Variants in FNBP1 observed in about 807,000 individuals in gnomAD.
FNBP1 encodes formin-binding protein 1.
In FNBP1, 26 loss-of-function variants were observed where a neutral mutation model predicts 90.6. The observed-to-expected ratio is 0.29, with a 90% CI of 0.21 to 0.40. FNBP1 has a LOEUF of 0.40. Ranked by LOEUF, FNBP1 falls within the 10% of genes least tolerant of loss-of-function variation. The probability of loss-of-function intolerance (pLI) is 1.00; values close to 1 mark genes in which losing one functional copy is unlikely to be tolerated. For synonymous variants in FNBP1, 260 were observed against 265.2 expected (o/e 0.98, Z 0.19); for missense variants, 635 against 768.0 (o/e 0.83, Z 2.05).
chr9:130,030,546 A>G (rs1263411810), intron 1 of FNBP1, among the ~76,000 whole-genome samples: 1 of 152,156 alleles, frequency 6.6e-6, no homozygotes, highest in Non-Finnish European at 1.5e-5. Context: ...AACAGACTCT[A>G]TTCTAACTGT....
intron 4 of FNBP1, among the ~76,000 whole-genome samples, chr9:129,964,243 G>C (rs1323272852): frequency 6.6e-6 from 1 of 152,154 alleles, no homozygotes; most frequent in Non-Finnish European, 1.5e-5. Context: ...AAGCACTAAA[G>C]AAGGAGGAAT....
rs1309259190 is a variant in FNBP1 at position 129,967,288 on chromosome 9, G to A, written c.346-8735C>T. Among the ~76,000 whole-genome samples the A allele has an allele frequency of 2.0e-5, 3 of 152,212 alleles. No individual in the cohort carries two copies. The East Asian group carries it at 5.8e-4, about 29-fold the overall frequency. The stretch of plus-strand genomic sequence containing the variant: ...CCCAGCACTATGGGAGGCAAAGGCA[G>A]GCAGATCAGCTGAGGACAGGACTCC... On this transcript the variant is annotated intron_variant, in intron 4 of 16. Coordinates refer to ENST00000446176, the MANE Select transcript of FNBP1 (RefSeq NM_015033.3).
intron 16 of FNBP1, chr9:129,895,146 TC>T: frequency 2.4e-6 from 1 of 424,226 alleles, no homozygotes; most frequent in Non-Finnish European, 3.4e-6. Context: ...AATCAAGTGG[TC>T]AATTCACCAA....
intron 1 of FNBP1, among the ~76,000 whole-genome samples, chr9:130,005,376 C>G (rs2055528028): frequency 7.3e-6 from 1 of 137,216 alleles, no homozygotes; most frequent in South Asian, 2.3e-4. Context: ...GAGTCTCGCT[C>G]TGTTGCACAG....
intron 1 of FNBP1, among the ~76,000 whole-genome samples, chr9:130,016,981 C>T (rs574771841): frequency 1.3e-5 from 2 of 152,138 alleles, no homozygotes; most frequent in South Asian, 4.1e-4. Context: ...CAGGGTGGCT[C>T]ATGTCTATAA....
chr9:130,027,203 CCATATT>C lies in FNBP1; in HGVS notation c.24+15743_24+15748del, dbSNP rs887032854. Among the ~76,000 whole-genome samples the C allele has an allele frequency of 2.6e-5, 4 of 152,020 alleles. No individual in the cohort carries two copies. The East Asian group carries it at 5.8e-4, about 22-fold the overall frequency. On this transcript the variant is annotated intron_variant, in intron 1 of 16. Coordinates refer to ENST00000446176, the MANE Select transcript of FNBP1 (RefSeq NM_015033.3). Reference sequence around the variant, plus strand: ...GATTTTATGAAAAATGACAGAATCACCATATTCAAAGTGTATGATCATGTGACAAGA... The same window carrying C: ...GATTTTATGAAAAATGACAGAATCACCAAAGTGTATGATCATGTGACAAGA...
intron 6 of FNBP1, among the ~76,000 whole-genome samples, chr9:129,941,586 C>T (rs1291824454): frequency 6.6e-6 from 1 of 152,088 alleles, no homozygotes; most frequent in Admixed American, 6.6e-5. Flanking sequence ...CTGCCTCAGC[C>T]TCCTGAGTAG....
chr9:129,930,233 G>C (rs1451562886), intron 6 of FNBP1, among the ~76,000 whole-genome samples: 1 of 151,698 alleles, frequency 6.6e-6, no homozygotes, highest in Non-Finnish European at 1.5e-5. Flanking sequence ...GCTAATTTTT[G>C]TATTTTTTTT....
intron 11 of FNBP1, among the ~76,000 whole-genome samples, chr9:129,914,418 T>G (rs924372192): frequency 3.3e-5 from 5 of 152,000 alleles, no homozygotes. Flanking sequence ...AATTTGTATT[T>G]CAAACAGAAA....
At chr9:130,001,030 T>C (rs567677090) in intron 1 of FNBP1, among the ~76,000 whole-genome samples, 2 of 152,280 alleles carry the variant, frequency 1.3e-5, no homozygotes, top group Admixed American at 1.3e-4. Flanking sequence ...AAAACTGAAA[T>C]TTTTTAAAAC....
intron 11 of FNBP1, among the ~76,000 whole-genome samples, chr9:129,911,200 C>T (rs191424638): frequency 3.9e-5 from 6 of 152,234 alleles, no homozygotes; most frequent in African/African-American, 1.2e-4. Context: ...AGAGCACTTT[C>T]GACCTCAGAA....
chr9:130,053,037 A>G, the FNBP1 span, among the ~76,000 whole-genome samples: 1 of 152,092 alleles, frequency 6.6e-6, no homozygotes, highest in East Asian at 2.0e-4. Context: ...AATCGCTTGA[A>G]CCCAGAAGGC....
chr9:129,979,308 G>GT lies in FNBP1; in HGVS notation c.197+9dup, dbSNP rs1277786472. 6.4e-7 allele frequency: 1 copy of GT among 1,563,140 alleles called. No individual in the cohort carries two copies. Among genetic ancestry groups the GT allele is most frequent in the South Asian group, 1.1e-5 (1 of 89,510 alleles). On this transcript the variant is annotated intron_variant, in intron 3 of 16. Transcript: ENST00000446176. ...GTCTATTACAAGACAATTTTCAATGGTAAACATACTTGTATTCTTCTTCCT... is the reference window on the plus strand; with the variant it reads ...GTCTATTACAAGACAATTTTCAATGGTTAAACATACTTGTATTCTTCTTCCT...
intron 1 of FNBP1, among the ~76,000 whole-genome samples, chr9:130,010,160 T>C (rs1412888211): frequency 6.6e-6 from 1 of 152,186 alleles, no homozygotes; most frequent in Admixed American, 6.5e-5. Context: ...CTTGTGAGAC[T>C]GGCCTGTTCA....
At chr9:129,981,475 T>A (rs934638293) in intron 2 of FNBP1, among the ~76,000 whole-genome samples, 2 of 152,190 alleles carry the variant, frequency 1.3e-5, no homozygotes, top group African/African-American at 4.8e-5. Context: ...TTCCTCTTTA[T>A]TATTTCACAT....
intron 12 of FNBP1, among the ~76,000 whole-genome samples, chr9:129,903,874 T>C (rs2037449857): frequency 6.6e-6 from 1 of 152,112 alleles, no homozygotes; most frequent in African/African-American, 2.4e-5. Flanking sequence ...CCGTCTCTAC[T>C]AAAATTACAA....
rs555848220 is a variant in FNBP1, at chr9:130,036,820, C to T, written c.24+6132G>A. Among the ~76,000 whole-genome samples, 7 of 151,782 alleles carry T rather than the reference C, an allele frequency of 4.6e-5. No homozygotes were observed. In the South Asian group the frequency reaches 8.3e-4, roughly 18 times the overall value. On this transcript the variant is annotated intron_variant, in intron 1 of 16. Coordinates refer to ENST00000446176, the MANE Select transcript of FNBP1 (RefSeq NM_015033.3). ...CAACACTTTGGGAGGCCGAGGCAGGCGGATCACAAGGTCAGGAGATCGAGA... is the reference window on the plus strand; with the variant it reads ...CAACACTTTGGGAGGCCGAGGCAGGTGGATCACAAGGTCAGGAGATCGAGA...
chr9:130,008,304 G>A (rs1265813061), intron 1 of FNBP1, among the ~76,000 whole-genome samples: 1 of 151,892 alleles, frequency 6.6e-6, no homozygotes, highest in Non-Finnish European at 1.5e-5. Context: ...GAGCCAGATT[G>A]TGCCATTGCA....
chr9:129,927,106 A>G (rs1283124518), intron 8 of FNBP1, 89 bp downstream of exon 8: 1 of 1,332,868 alleles, frequency 7.5e-7, no homozygotes, highest in East Asian at 2.3e-5. Flanking sequence ...CCACCATGAG[A>G]TGATGACATG....
Sources: gnomAD v4.1 joint callset for allele counts (sites outside exome capture counted in the v4.1 genomes callset) on GRCh38, gnomAD v4.1.1 for gene constraint, MANE v1.5 for transcripts, NCBI Gene and HGNC (gene_info 2026-07-23, HGNC 2026-07-21) for gene names.